Variants in PLD5 observed in about 807,000 individuals in gnomAD.
PLD5 encodes inactive phospholipase D5.
In PLD5, 36 loss-of-function variants were observed where a neutral mutation model predicts 61.1. The ratio of observed to expected loss-of-function variants is 0.59; its 90% CI spans 0.45 to 0.78. The LOEUF is 0.78. Among genes scored for constraint, PLD5 ranks in the 30% least tolerant of loss-of-function variants. The pLI is 0.00. For synonymous variants in PLD5, 243 were observed against 242.8 expected, an observed-to-expected ratio of 1.00 and a Z score of -0.01; for missense variants, 515 against 644.4, an observed-to-expected ratio of 0.80 and a Z score of 2.17.
At chr1:242,446,161 G>C (rs1666527753) in intron 1 of PLD5, among the ~76,000 whole-genome samples, 1 of 151,634 alleles carries the variant, frequency 6.6e-6, no homozygotes, top group South Asian at 2.1e-4. Flanking sequence ...CTCCCTCCCT[G>C]ACTTCACCAC....
Position 242,293,000 on chromosome 1 carries a change from AAAGGGGT to A in PLD5, c.327-4477_327-4471del, listed in dbSNP as rs540672317. On this transcript the variant is annotated intron_variant, in intron 2 of 9. Transcript: ENST00000536534. The stretch of plus-strand genomic sequence containing the variant: ...ACTGTCAAAGGGGTCCATGGCTAAA[AAAGGGGT>A]AAGAAGCCCTCATCAGATGGATAAT... 2.8e-4 allele frequency among the ~76,000 whole-genome samples: 42 copies of A among 152,348 alleles called. No homozygotes were observed. In the South Asian group the frequency reaches 8.3e-3, roughly 30 times the overall value.
intron 5 of PLD5, among the ~76,000 whole-genome samples, chr1:242,192,748 GCA>G (rs1668365426): frequency 6.6e-6 from 1 of 151,868 alleles, no homozygotes; most frequent in Non-Finnish European, 1.5e-5. Flanking sequence ...AAGTTCTCGG[GCA>G]GGAAGAAGCG....
chr1:242,338,500 G>T (rs1408246620), intron 2 of PLD5, among the ~76,000 whole-genome samples: 1 of 151,876 alleles, frequency 6.6e-6, no homozygotes, highest in African/African-American at 2.4e-5. Context: ...TCTCTTTGGA[G>T]AACAAACCTG....
At chr1:242,417,197 C>T (rs747769044) in intron 1 of PLD5, among the ~76,000 whole-genome samples, 12 of 152,104 alleles carry the variant, frequency 7.9e-5, no homozygotes, top group Admixed American at 3.3e-4. Flanking sequence ...TCCAGGCAGA[C>T]GGAAGAACAA....
intron 8 of PLD5, among the ~76,000 whole-genome samples, chr1:242,107,424 A>G (rs5782213): frequency 2.1e-5 from 1 of 48,576 alleles, no homozygotes; most frequent in Non-Finnish European, 5.4e-5. Context: ...GAAAAAAAAG[A>G]AAAAAGAAAA....
intron 5 of PLD5, among the ~76,000 whole-genome samples, chr1:242,156,970 C>T (rs538061988): frequency 6.6e-6 from 1 of 152,198 alleles, no homozygotes; most frequent in Non-Finnish European, 1.5e-5. Flanking sequence ...TTCCATTCTC[C>T]CCGTCACTTT....
chr1:242,425,132 C>CA (rs1189539435), intron 1 of PLD5, among the ~76,000 whole-genome samples: 2 of 151,144 alleles, frequency 1.3e-5, no homozygotes, highest in South Asian at 2.1e-4. Flanking sequence ...ACTCTGTCTC[C>CA]AAAAAAAATA....
At chr1:242,344,646 C>CT (rs1391334668) in intron 2 of PLD5, among the ~76,000 whole-genome samples, 1 of 152,098 alleles carries the variant, frequency 6.6e-6, no homozygotes, top group Admixed American at 6.5e-5. Context: ...TCCTCATAAA[C>CT]TTTGTGACAC....
intron 2 of PLD5, among the ~76,000 whole-genome samples, chr1:242,290,500 G>A (rs1489456703): frequency 2.0e-5 from 3 of 152,132 alleles, no homozygotes; most frequent in African/African-American, 4.8e-5. Flanking sequence ...CTGTGATCAA[G>A]GGAGAAGAGT....
intron 1 of PLD5, among the ~76,000 whole-genome samples, chr1:242,369,825 C>T (rs1485134308): frequency 6.6e-6 from 1 of 152,104 alleles, no homozygotes; most frequent in Non-Finnish European, 1.5e-5. Flanking sequence ...TGAGCACTAA[C>T]CACCACCACC....
At chr1:242,330,071 TC>T (rs1269105455) in intron 2 of PLD5, among the ~76,000 whole-genome samples, 3 of 152,270 alleles carry the variant, frequency 2.0e-5, no homozygotes, top group Admixed American at 2.0e-4. Flanking sequence ...GAAATTATGA[TC>T]CTCTTGAATT....
At chr1:242,160,712 C>G (rs1377154361) in intron 5 of PLD5, among the ~76,000 whole-genome samples, 1 of 151,786 alleles carries the variant, frequency 6.6e-6, no homozygotes, top group Admixed American at 6.6e-5. Context: ...TGGTGAAACA[C>G]CACCTCTACT....
intron 4 of PLD5, among the ~76,000 whole-genome samples, chr1:242,221,747 G>A (rs1167476086): frequency 6.6e-6 from 1 of 152,156 alleles, no homozygotes; most frequent in Non-Finnish European, 1.5e-5. Context: ...GGCAGAATCT[G>A]AATATCTAAA....
intron 5 of PLD5, among the ~76,000 whole-genome samples, chr1:242,173,350 G>A (rs904358672): frequency 1.3e-5 from 2 of 152,158 alleles, no homozygotes; most frequent in East Asian, 1.9e-4. Flanking sequence ...CAAGGGATGT[G>A]AAGGACCTCT....
chr1:242,410,116 T>C (rs1219760732), intron 1 of PLD5, among the ~76,000 whole-genome samples: 1 of 152,190 alleles, frequency 6.6e-6, no homozygotes, highest in African/African-American at 2.4e-5. Flanking sequence ...TTAGGGGGTT[T>C]TGGGCGACGA....
At position 242,431,134 on chromosome 1, in the gene PLD5, A is replaced by G. The variant is rs79364941; in HGVS notation, c.190-82892T>C. On this transcript the variant is annotated intron_variant, in intron 1 of 9. Transcript: ENST00000536534. ...AGTGTACAATTTAGTGTCATTAAGA[A>G]CATTCACGCTGTTGCGTAACCATCA... 8.6e-3 allele frequency among the ~76,000 whole-genome samples: 1,303 copies of G among 152,328 alleles called. 18 individuals are homozygous for G. The highest frequency in any genetic ancestry group is 0.026 in the African/African-American group (1,092 of 41,578).
chr1:242,270,585 G>A (rs572458862), intron 3 of PLD5, among the ~76,000 whole-genome samples: 3 of 152,288 alleles, frequency 2.0e-5, no homozygotes, highest in Non-Finnish European at 4.4e-5. Context: ...TCCCAGCTAC[G>A]GTCTAATAGA....
At chr1:242,427,625 A>G (rs985161399) in intron 1 of PLD5, among the ~76,000 whole-genome samples, 1 of 152,232 alleles carries the variant, frequency 6.6e-6, no homozygotes, top group Non-Finnish European at 1.5e-5. Flanking sequence ...CCGCCATCCC[A>G]TATGGAAAGC....
chr1:242,482,634 A>G (rs1322500037), intron 1 of PLD5, among the ~76,000 whole-genome samples: 1 of 152,168 alleles, frequency 6.6e-6, no homozygotes, highest in East Asian at 1.9e-4. Flanking sequence ...AAAACACTCT[A>G]CAGGATATTA....
Sources: gnomAD v4.1 joint callset for allele counts (sites outside exome capture counted in the v4.1 genomes callset) on GRCh38, gnomAD v4.1.1 for gene constraint, MANE v1.5 for transcripts, NCBI Gene and HGNC (gene_info 2026-07-23, HGNC 2026-07-21) for gene names.